Variants in TSPAN18 observed in about 807,000 individuals in gnomAD.
TSPAN18 encodes tetraspanin 18.
A neutral mutation model predicts 27.3 loss-of-function variants in TSPAN18; 14 were observed. That is an observed-to-expected ratio of 0.51 (90% CI 0.34 to 0.80). TSPAN18 has a LOEUF of 0.80. Among genes scored for constraint, TSPAN18 ranks in the 30% least tolerant of loss-of-function variants. TSPAN18 has a pLI of 0.01. For missense variants in TSPAN18, 268 were observed against 323.9 expected, an observed-to-expected ratio of 0.83 and a Z score of 1.32; for synonymous variants, 143 against 136.5, an observed-to-expected ratio of 1.05 and a Z score of -0.33.
chr11:44,746,668 G>A (rs1416746070), intron 1 of TSPAN18, among the ~76,000 whole-genome samples: 1 of 152,168 alleles, frequency 6.6e-6, no homozygotes. Flanking sequence ...GAGGCGAGAG[G>A]ATTGCTTGAG....
chr11:44,770,538 C>G (rs1855668113), intron 2 of TSPAN18, among the ~76,000 whole-genome samples: 1 of 152,070 alleles, frequency 6.6e-6, no homozygotes, highest in South Asian at 2.1e-4. Context: ...GAATTGGAGG[C>G]CCAGCCTGCA....
intron 5 of TSPAN18, among the ~76,000 whole-genome samples, chr11:44,913,034 C>A (rs1447248914): frequency 2.6e-5 from 4 of 152,224 alleles, no homozygotes; most frequent in African/African-American, 9.7e-5. Flanking sequence ...ACCACTTCTC[C>A]CTTCCCGGCT....
At chr11:44,745,199 G>A (rs1446265152) in intron 1 of TSPAN18, among the ~76,000 whole-genome samples, 2 of 152,208 alleles carry the variant, frequency 1.3e-5, no homozygotes, top group Non-Finnish European at 2.9e-5. Flanking sequence ...AGTCTGGTTG[G>A]TACTGTACAG....
intron 3 of TSPAN18, among the ~76,000 whole-genome samples, chr11:44,882,472 G>A (rs1018106981): frequency 6.6e-6 from 1 of 152,070 alleles, no homozygotes; most frequent in African/African-American, 2.4e-5. Context: ...TAGTCCCAGG[G>A]CAGGGCTAGG....
chr11:44,919,139 GGATGGAGAGAC>G, intron 6 of TSPAN18, 64 bp from the exon 7 acceptor site: 1 of 1,202,896 alleles, frequency 8.3e-7, no homozygotes, highest in South Asian at 1.2e-5. Context: ...CCAAGCAGGT[GGATGGAGAGAC>G]GATGGAGGGT....
At chr11:44,849,627 C>T (rs754387830) in intron 2 of TSPAN18, among the ~76,000 whole-genome samples, 3 of 152,150 alleles carry the variant, frequency 2.0e-5, no homozygotes, top group Non-Finnish European at 2.9e-5. Flanking sequence ...AAGGTTGCAG[C>T]CCGTGGCACT....
intron 2 of TSPAN18, among the ~76,000 whole-genome samples, chr11:44,784,235 A>G (rs1159148561): frequency 1.3e-5 from 2 of 152,124 alleles, no homozygotes; most frequent in Non-Finnish European, 2.9e-5. Context: ...CTTCTAGGGA[A>G]TGGAGAGGGA....
intron 2 of TSPAN18, among the ~76,000 whole-genome samples, chr11:44,838,737 G>T (rs1399010230): frequency 6.6e-6 from 1 of 152,142 alleles, no homozygotes; most frequent in Non-Finnish European, 1.5e-5. Context: ...GCAAGGAAAA[G>T]TTTCTCCCCT....
intron 3 of TSPAN18, among the ~76,000 whole-genome samples, chr11:44,867,386 A>G (rs1858066510): frequency 9.1e-6 from 1 of 110,306 alleles, no homozygotes; most frequent in Non-Finnish European, 1.9e-5. Flanking sequence ...TTGGTTTATG[A>G]ATCTTTTTTT....
intron 2 of TSPAN18, among the ~76,000 whole-genome samples, chr11:44,821,869 G>C (rs1384693266): frequency 1.3e-5 from 2 of 152,238 alleles, no homozygotes; most frequent in Non-Finnish European, 2.9e-5. Flanking sequence ...GCTTGGCTGT[G>C]CTCCTGAAAG....
rs59241339 is a variant in TSPAN18, at chr11:44,807,527, C to CAA, written c.-153+43038_-153+43039dup. On this transcript the variant is annotated intron_variant, in intron 2 of 9. Transcript: ENST00000520358. Reference sequence around the variant, plus strand: ...TAGGCACAAGAGTGAAACTCCATCTCAAAAAAAAAAAAAAAAAAAAAAAAG... The same window carrying CAA: ...TAGGCACAAGAGTGAAACTCCATCTCAAAAAAAAAAAAAAAAAAAAAAAAAAG... Among the ~76,000 whole-genome samples, 221 of 64,102 alleles carry CAA rather than the reference C, an allele frequency of 3.4e-3. 2 individuals carry two copies. The highest frequency in any genetic ancestry group is 4.6e-3 in the African/African-American group (61 of 13,348). The allele number at this position is 64,102 out of a possible 152,430, so 42.1% of individuals were successfully genotyped here. A position where few individuals can be genotyped will look rare whatever the true frequency, so the allele number is the denominator to read the frequency against.
intron 1 of TSPAN18, among the ~76,000 whole-genome samples, chr11:44,750,759 C>T (rs1429293581): frequency 6.6e-6 from 1 of 152,204 alleles, no homozygotes; most frequent in East Asian, 1.9e-4. Context: ...TGAAACATCC[C>T]AGCTAGGATG....
rs943584459 is a variant in TSPAN18 at position 44,932,240 on chromosome 11, C to T, written c.*3062C>T. On this transcript the variant is annotated 3_prime_UTR_variant, in exon 10 of 10. Transcript: ENST00000520358. ...AAAGTCTATTTTAAAAACTATGTTC[C>T]TTGCCGTAGATTGCAGAGCTAATTT... 6.6e-6 allele frequency: 1 copy of T among 152,144 alleles called. No individual in the cohort carries two copies. Among genetic ancestry groups the T allele is most frequent in the Non-Finnish European group, 1.5e-5 (1 of 68,024 alleles). The allele number at this position is 152,144 out of a possible 1,614,324, so 9.4% of individuals were successfully genotyped here. A position where few individuals can be genotyped will look rare whatever the true frequency, so the allele number is the denominator to read the frequency against.
chr11:44,806,154 C>A (rs989299311), intron 2 of TSPAN18, among the ~76,000 whole-genome samples: 34 of 151,558 alleles, frequency 2.2e-4, no homozygotes, highest in South Asian at 4.2e-4. Context: ...CATGCCTCAG[C>A]CTCCCAAGTA....
chr11:44,757,770 A>G (rs1855365616), intron 1 of TSPAN18, among the ~76,000 whole-genome samples: 1 of 152,182 alleles, frequency 6.6e-6, no homozygotes, highest in African/African-American at 2.4e-5. Context: ...TTTGTATATC[A>G]TCTTTGGAGA....
intron 3 of TSPAN18, among the ~76,000 whole-genome samples, chr11:44,866,820 T>G (rs946631912): frequency 6.6e-6 from 1 of 152,216 alleles, no homozygotes; most frequent in Non-Finnish European, 1.5e-5. Context: ...ATTTTCTGAC[T>G]GGCCTGGGAA....
At position 44,815,258 on chromosome 11, in the gene TSPAN18, C is replaced by T. The variant is rs552680727; in HGVS notation, c.-152-45070C>T. Among the ~76,000 whole-genome samples the T allele has an allele frequency of 3.9e-5, 6 of 152,350 alleles. No individual in the cohort carries two copies. In the South Asian group the frequency reaches 8.3e-4, roughly 21 times the overall value. On this transcript the variant is annotated intron_variant, in intron 2 of 9. Coordinates refer to ENST00000520358, the MANE Select transcript of TSPAN18 (RefSeq NM_130783.5). Reference sequence around the variant, plus strand: ...TCCAGGCACAGACTAGAGTGATCCACGGGCTGGATGCATTTCTCTCCTCAT... The same window carrying T: ...TCCAGGCACAGACTAGAGTGATCCATGGGCTGGATGCATTTCTCTCCTCAT...
At chr11:44,805,923 C>G (rs1856582881) in intron 2 of TSPAN18, among the ~76,000 whole-genome samples, 1 of 152,178 alleles carries the variant, frequency 6.6e-6, no homozygotes, top group Non-Finnish European at 1.5e-5. Context: ...AATTTAGTAC[C>G]TACTCTAATC....
chr11:44,774,986 C>CT, intron 2 of TSPAN18, among the ~76,000 whole-genome samples: 1 of 152,268 alleles, frequency 6.6e-6, no homozygotes, highest in South Asian at 2.1e-4. Flanking sequence ...GGGCTTCCTG[C>CT]TTTTTTTCCC....
Sources: gnomAD v4.1 joint callset for allele counts (sites outside exome capture counted in the v4.1 genomes callset) on GRCh38, gnomAD v4.1.1 for gene constraint, MANE v1.5 for transcripts, NCBI Gene and HGNC (gene_info 2026-07-23, HGNC 2026-07-21) for gene names.